Variants in TBC1D32 observed in about 807,000 individuals in gnomAD.
The protein encoded by TBC1D32 is protein broad-minded.
A neutral mutation model predicts 170.3 loss-of-function variants in TBC1D32; 151 were observed. That is an observed-to-expected ratio of 0.89 (90% CI 0.78 to 1.01). The LOEUF (loss-of-function observed/expected upper bound fraction) is 1.01, where lower values mean the gene tolerates loss of function less well. TBC1D32 is among the 50% of genes least tolerant of loss of function. The pLI is 0.00. For missense variants in TBC1D32, 1,464 were observed against 1,457.1 expected (o/e 1.00, Z -0.08); for synonymous variants, 498 against 488.0 (o/e 1.02, Z -0.27).
intron 10 of TBC1D32, among the ~76,000 whole-genome samples, chr6:121,296,624 T>C (rs1805681391): frequency 6.6e-6 from 1 of 152,144 alleles, no homozygotes; most frequent in African/African-American, 2.4e-5. Flanking sequence ...TCCATCCATT[T>C]ATCCCAATTC....
chr6:121,190,791 G>A (rs1237896242), intron 22 of TBC1D32, among the ~76,000 whole-genome samples: 2 of 152,100 alleles, frequency 1.3e-5, no homozygotes, highest in Non-Finnish European at 2.9e-5. Flanking sequence ...CTGGGGTAAC[G>A]AATGATTCTA....
At chr6:121,185,136 C>A (rs1255446092) in intron 22 of TBC1D32, among the ~76,000 whole-genome samples, 1 of 151,838 alleles carries the variant, frequency 6.6e-6, no homozygotes, top group Non-Finnish European at 1.5e-5. Context: ...TACCTGAAGT[C>A]TCATCTGTCT....
intron 22 of TBC1D32, among the ~76,000 whole-genome samples, chr6:121,183,376 T>C (rs1194419892): frequency 6.6e-6 from 1 of 152,100 alleles, no homozygotes; most frequent in Non-Finnish European, 1.5e-5. Context: ...GATAAAGACA[T>C]AACAGTTTGT....
intron 2 of TBC1D32, among the ~76,000 whole-genome samples, chr6:121,318,714 T>A (rs1583733494): frequency 6.6e-6 from 1 of 150,600 alleles, no homozygotes; most frequent in African/African-American, 2.4e-5. Flanking sequence ...GAAATAAACA[T>A]ATGTTTATGT....
chr6:121,120,787 G>A (rs1286681698), intron 26 of TBC1D32, among the ~76,000 whole-genome samples: 1 of 151,964 alleles, frequency 6.6e-6, no homozygotes, highest in Admixed American at 6.6e-5. Flanking sequence ...TTTAAAAGAG[G>A]TGATCAATAG....
chr6:121,179,743 C>T (rs1788267717), intron 22 of TBC1D32, among the ~76,000 whole-genome samples: 1 of 152,068 alleles, frequency 6.6e-6, no homozygotes, highest in Non-Finnish European at 1.5e-5. Flanking sequence ...AAAATAACTG[C>T]ACTAATAATC....
intron 24 of TBC1D32, among the ~76,000 whole-genome samples, chr6:121,133,562 T>C (rs763403610): frequency 6.6e-6 from 1 of 152,058 alleles, no homozygotes; most frequent in African/African-American, 2.4e-5. Flanking sequence ...CTGCTACGTA[T>C]TGCTGCATGA....
intron 15 of TBC1D32, among the ~76,000 whole-genome samples, chr6:121,257,046 C>T (rs781639906): frequency 1.6e-4 from 25 of 151,992 alleles, no homozygotes; most frequent in African/African-American, 4.3e-4. Flanking sequence ...TTCAATGGTG[C>T]GCATTAGATT....
chr6:121,288,591 C>A (rs1469345239), intron 12 of TBC1D32, among the ~76,000 whole-genome samples: 3 of 152,150 alleles, frequency 2.0e-5, no homozygotes, highest in Non-Finnish European at 4.4e-5. Context: ...GGAGCTGGTA[C>A]CATTCCTTCT....
intron 22 of TBC1D32, among the ~76,000 whole-genome samples, chr6:121,162,509 C>T (rs891602194): frequency 6.6e-6 from 1 of 152,160 alleles, no homozygotes; most frequent in Non-Finnish European, 1.5e-5. Context: ...AGGATAGCTT[C>T]TCTCACCACT....
At chr6:121,170,709 T>C (rs1786859769) in intron 22 of TBC1D32, among the ~76,000 whole-genome samples, 2 of 152,074 alleles carry the variant, frequency 1.3e-5, no homozygotes, top group East Asian at 3.8e-4. Context: ...CAAAAGTTGT[T>C]CTGAGTATTT....
chr6:121,113,323 G>T, intron 27 of TBC1D32, 146 bp from the exon 28 acceptor site: 1 of 508,566 alleles, frequency 2.0e-6, no homozygotes, highest in Non-Finnish European at 3.5e-6. Flanking sequence ...TGATATATTT[G>T]GATTAACAGT....
chr6:121,265,678 C>T (rs538753273), intron 15 of TBC1D32, among the ~76,000 whole-genome samples: 26 of 152,008 alleles, frequency 1.7e-4, no homozygotes, highest in Admixed American at 1.3e-3. Context: ...TTCAACTATA[C>T]TAAAAGACTA....
At chr6:121,192,066 T>TTATATATATATATATATATATATA (rs1554263739) in intron 22 of TBC1D32, among the ~76,000 whole-genome samples, 5 of 122,410 alleles carry the variant, frequency 4.1e-5, no homozygotes, top group African/African-American at 1.7e-4. Context: ...AAACTACCCT[T>TTATATATATATATATATATATATA]TATATATATA....
intron 22 of TBC1D32, among the ~76,000 whole-genome samples, chr6:121,187,473 CA>C (rs1382080429): frequency 6.6e-6 from 1 of 152,000 alleles, no homozygotes; most frequent in African/African-American, 2.4e-5. Context: ...TCCCTACTGC[CA>C]GCTTGGGTTT....
At chr6:121,319,157 G>A (rs983240610) in intron 2 of TBC1D32, among the ~76,000 whole-genome samples, 3 of 151,386 alleles carry the variant, frequency 2.0e-5, no homozygotes, top group Admixed American at 6.6e-5. Flanking sequence ...CAGAAATTAC[G>A]AGAAAACACA....
intron 22 of TBC1D32, among the ~76,000 whole-genome samples, chr6:121,192,078 A>C (rs1215264441): frequency 7.3e-6 from 1 of 136,214 alleles, no homozygotes; most frequent in Admixed American, 9.2e-5. Flanking sequence ...ATATATATAT[A>C]TATATCCTAT....
intron 31 of TBC1D32, among the ~76,000 whole-genome samples, chr6:121,082,676 T>C (rs897549923): frequency 6.6e-6 from 1 of 152,056 alleles, no homozygotes; most frequent in East Asian, 1.9e-4. Context: ...CAATATCTAT[T>C]TAACATCTTT....
At chr6:121,111,219 A>G (rs2128196222) in intron 29 of TBC1D32, among the ~76,000 whole-genome samples, 1 of 152,326 alleles carries the variant, frequency 6.6e-6, no homozygotes, top group African/African-American at 2.4e-5. Flanking sequence ...TTATGAAAAA[A>G]AGTACGATTT....
Sources: allele counts gnomAD v4.1 joint callset (sites outside exome capture counted in the v4.1 genomes callset), GRCh38; gene constraint gnomAD v4.1.1; transcripts MANE v1.5; gene names NCBI Gene and HGNC (gene_info 2026-07-23, HGNC 2026-07-21).